Variants in PTPRQ observed in about 807,000 individuals in gnomAD.
PTPRQ encodes the protein protein tyrosine phosphatase receptor type Q.
In PTPRQ, 199 loss-of-function variants were observed where a neutral mutation model predicts 246.0. The ratio of observed to expected loss-of-function variants is 0.81; its 90% confidence interval spans 0.72 to 0.91. The LOEUF (loss-of-function observed/expected upper bound fraction) is 0.91, where lower values mean the gene tolerates loss of function less well. PTPRQ is among the 40% of genes least tolerant of loss of function. The pLI, the probability that PTPRQ is intolerant of heterozygous loss-of-function variation, is 0.00. For synonymous variants in PTPRQ, 869 were observed against 853.2 expected, an observed-to-expected ratio of 1.02 and a Z score of -0.32; for missense variants, 2,624 against 2,528.4, an observed-to-expected ratio of 1.04 and a Z score of -0.81.
chr12:80,570,533 T>C (rs1407810942), intron 25 of PTPRQ, among the ~76,000 whole-genome samples: 2 of 152,204 alleles, frequency 1.3e-5, no homozygotes, highest in East Asian at 1.9e-4. Flanking sequence ...TTCTATAGTT[T>C]GCCTGTTCAC....
At chr12:80,658,197 T>C (rs890989852) in intron 39 of PTPRQ, 136 bp downstream of exon 39, 8 of 487,442 alleles carry the variant, frequency 1.6e-5, no homozygotes, top group African/African-American at 1.6e-4. Context: ...TACAGCCACA[T>C]TGTGTACCCT....
intron 26 of PTPRQ, among the ~76,000 whole-genome samples, chr12:80,592,449 A>G (rs1449533914): frequency 6.6e-6 from 1 of 152,188 alleles, no homozygotes; most frequent in African/African-American, 2.4e-5. Context: ...ATATTAAGTC[A>G]GGAAGAGATA....
chr12:80,594,955 A>G (rs1260368786), intron 26 of PTPRQ, among the ~76,000 whole-genome samples: 2 of 152,128 alleles, frequency 1.3e-5, no homozygotes, highest in Non-Finnish European at 2.9e-5. Context: ...CATTTTCTAC[A>G]TGCCTGCATG....
At chr12:80,481,547 A>G (rs1265601216) in intron 8 of PTPRQ, among the ~76,000 whole-genome samples, 12 of 152,156 alleles carry the variant, frequency 7.9e-5, no homozygotes, top group Non-Finnish European at 1.8e-4. Flanking sequence ...GGAGAAGGAA[A>G]TAAAGGGCAT....
At chr12:80,581,750 A>C (rs973247398) in intron 25 of PTPRQ, among the ~76,000 whole-genome samples, 1 of 152,226 alleles carries the variant, frequency 6.6e-6, no homozygotes, top group Admixed American at 6.5e-5. Flanking sequence ...GGTTATATTA[A>C]AGGCTTAAAT....
chr12:80,601,060 G>C (rs1029723517), intron 26 of PTPRQ, among the ~76,000 whole-genome samples: 1 of 151,680 alleles, frequency 6.6e-6, no homozygotes, highest in Non-Finnish European at 1.5e-5. Flanking sequence ...TCAAATATTT[G>C]TTTAAATGTT....
chr12:80,464,107 T>C (rs28790689), intron 6 of PTPRQ, among the ~76,000 whole-genome samples: 165 of 151,820 alleles, frequency 1.1e-3, no homozygotes, highest in Admixed American at 4.3e-3. Context: ...CATCAGTGTG[T>C]TGTATTCAGG....
chr12:80,476,182 G>C (rs1329332156), intron 8 of PTPRQ, among the ~76,000 whole-genome samples: 1 of 151,936 alleles, frequency 6.6e-6, no homozygotes, highest in Admixed American at 6.6e-5. Flanking sequence ...ATTTTAAAAA[G>C]AGATGGAATA....
intron 24 of PTPRQ, among the ~76,000 whole-genome samples, chr12:80,548,113 C>A (rs1391535155): frequency 1.3e-5 from 2 of 152,044 alleles, no homozygotes; most frequent in Non-Finnish European, 2.9e-5. Flanking sequence ...CAGGGCTAAT[C>A]TTGTAGAAAG....
chr12:80,574,035 G>A (rs1897220555), intron 25 of PTPRQ, among the ~76,000 whole-genome samples: 1 of 151,670 alleles, frequency 6.6e-6, no homozygotes, highest in Admixed American at 6.6e-5. Flanking sequence ...TTTTCTTTCA[G>A]TTCTGTCCAG....
chr12:80,574,726 A>G (rs957252617), intron 25 of PTPRQ, among the ~76,000 whole-genome samples: 1 of 152,016 alleles, frequency 6.6e-6, no homozygotes, highest in African/African-American at 2.4e-5. Context: ...TTATTGTTAT[A>G]TTTTTTGTAC....
At chr12:80,520,037 G>C (rs530271093) in intron 17 of PTPRQ, among the ~76,000 whole-genome samples, 4 of 152,162 alleles carry the variant, frequency 2.6e-5, no homozygotes, top group East Asian at 3.9e-4. Context: ...GTGGGGATTG[G>C]GGGGGATACA....
intron 8 of PTPRQ, among the ~76,000 whole-genome samples, chr12:80,479,171 A>G (rs1488416923): frequency 2.7e-4 from 41 of 151,326 alleles, no homozygotes; most frequent in Non-Finnish European, 4.0e-4. Context: ...GACTAACAGC[A>G]GATCTCTCGG....
intron 16 of PTPRQ, among the ~76,000 whole-genome samples, chr12:80,507,374 GA>G (rs1477533500): frequency 6.6e-6 from 1 of 151,808 alleles, no homozygotes; most frequent in Non-Finnish European, 1.5e-5. Flanking sequence ...TCTGTAAAAG[GA>G]ATTCCTATTT....
chr12:80,492,652 CAT>C (rs1894484992), intron 9 of PTPRQ, among the ~76,000 whole-genome samples: 1 of 151,918 alleles, frequency 6.6e-6, no homozygotes, highest in African/African-American at 2.4e-5. Context: ...GTGAACTTGA[CAT>C]GTGTGAATTA....
At chr12:80,478,333 G>A (rs1893897606) in intron 8 of PTPRQ, among the ~76,000 whole-genome samples, 1 of 151,830 alleles carries the variant, frequency 6.6e-6, no homozygotes, top group Non-Finnish European at 1.5e-5. Flanking sequence ...TCTGTTAGAA[G>A]GAAAACTAAC....
chr12:80,650,985 G>A (rs1900237570), intron 37 of PTPRQ, among the ~76,000 whole-genome samples: 1 of 151,814 alleles, frequency 6.6e-6, no homozygotes, highest in Admixed American at 6.6e-5. Flanking sequence ...GCATATATTT[G>A]ATAAACCTTT....
chr12:80,480,380 A>C (rs1288629926), intron 8 of PTPRQ, among the ~76,000 whole-genome samples: 1 of 152,130 alleles, frequency 6.6e-6, no homozygotes, highest in Non-Finnish European at 1.5e-5. Context: ...AGCAGTGTGT[A>C]GAGGGAAATT....
chr12:80,654,560 A>G (rs1263307084), intron 38 of PTPRQ, among the ~76,000 whole-genome samples: 1 of 152,064 alleles, frequency 6.6e-6, no homozygotes, highest in African/African-American at 2.4e-5. Context: ...ATTGTATAGA[A>G]TTAATGGCCT....
Sources: allele counts gnomAD v4.1 joint callset (sites outside exome capture counted in the v4.1 genomes callset), GRCh38; gene constraint gnomAD v4.1.1; transcripts MANE v1.5; gene names NCBI Gene and HGNC (gene_info 2026-07-23, HGNC 2026-07-21).